SMCHD1: variants seen among roughly 807,000 people sequenced by gnomAD.
SMCHD1 encodes the protein structural maintenance of chromosomes flexible hinge domain-containing protein 1.
Under a neutral mutation model 254.7 loss-of-function variants are expected in SMCHD1, and 78 were observed. The ratio of observed to expected loss-of-function variants is 0.31; its 90% CI spans 0.26 to 0.37. The LOEUF is 0.37. SMCHD1 is among the 10% of genes least tolerant of loss of function. The probability of loss-of-function intolerance (pLI) is 1.00; values close to 1 mark genes in which losing one functional copy is unlikely to be tolerated. For synonymous variants in SMCHD1, 766 were observed against 794.9 expected, an observed-to-expected ratio of 0.96 and a Z score of 0.61; for missense variants, 1,840 against 2,408.1, an observed-to-expected ratio of 0.76 and a Z score of 4.94.
intron 47 of SMCHD1, among the ~76,000 whole-genome samples, chr18:2,800,305 G>A (rs1454826372): frequency 6.6e-6 from 1 of 152,050 alleles, no homozygotes; most frequent in African/African-American, 2.4e-5. Flanking sequence ...AACTTTGAAA[G>A]CTTTGTTTCC....
chr18:2,765,289 G>C (rs2075847567), intron 37 of SMCHD1, among the ~76,000 whole-genome samples: 2 of 151,876 alleles, frequency 1.3e-5, no homozygotes, highest in African/African-American at 4.8e-5. Context: ...TGATATATCT[G>C]GATTTTATTG....
At chr18:2,706,150 A>G (rs1015856344) in intron 14 of SMCHD1, among the ~76,000 whole-genome samples, 2 of 152,160 alleles carry the variant, frequency 1.3e-5, no homozygotes, top group African/African-American at 2.4e-5. Context: ...TCCCTATACC[A>G]TGCTTTCTTG....
At chr18:2,755,856 C>T (rs771808360) in intron 34 of SMCHD1, among the ~76,000 whole-genome samples, 7 of 152,020 alleles carry the variant, frequency 4.6e-5, no homozygotes, top group Non-Finnish European at 1.0e-4. Flanking sequence ...TGTGAATCAC[C>T]GCCCTCGGCC....
intron 25 of SMCHD1, among the ~76,000 whole-genome samples, chr18:2,735,769 T>C (rs1015855849): frequency 1.3e-5 from 2 of 152,098 alleles, no homozygotes; most frequent in African/African-American, 2.4e-5. Context: ...AAAGAAATCA[T>C]AGATGATACC....
chr18:2,677,290 A>C (rs1359284672), intron 5 of SMCHD1, among the ~76,000 whole-genome samples: 1 of 152,224 alleles, frequency 6.6e-6, no homozygotes, highest in Admixed American at 6.5e-5. Context: ...AGTTCAAAAC[A>C]AGTTATAAAT....
At chr18:2,682,994 A>G (rs546018429) in intron 5 of SMCHD1, among the ~76,000 whole-genome samples, 2 of 152,188 alleles carry the variant, frequency 1.3e-5, no homozygotes, top group Non-Finnish European at 2.9e-5. Context: ...TTTGGTTTGC[A>G]TGGGTCATTT....
intron 28 of SMCHD1, among the ~76,000 whole-genome samples, chr18:2,742,813 A>T (rs1055031551): frequency 6.6e-6 from 1 of 152,042 alleles, no homozygotes; most frequent in Non-Finnish European, 1.5e-5. Context: ...ACTAGCTAGG[A>T]CTATAGACGC....
chr18:2,709,232 G>GTGTGTATATATATATA (rs3037640), intron 17 of SMCHD1, among the ~76,000 whole-genome samples: 1 of 79,654 alleles, frequency 1.3e-5, no homozygotes, highest in Non-Finnish European at 3.1e-5. Flanking sequence ...GTGTATATGT[G>GTGTGTATATATATATA]TATATATATA....
In SMCHD1 at chr18:2,728,648, T is replaced by C. The variant is rs1370118341; in HGVS notation, c.2913+52T>C. The C allele has an allele frequency of 1.9e-6, 3 of 1,569,850 alleles. No individual in the cohort carries two copies. In the African/African-American group the frequency reaches 4.1e-5, roughly 21 times the overall value. ...TGAGTCCCATTGTAGTAAGTGGCAA[T>C]GACTATTTTAGCCACTTAATAGTAA... On this transcript the variant is annotated intron_variant, in intron 23 of 47. Transcript: ENST00000320876.
At chr18:2,760,511 G>A (rs2075766766) in intron 34 of SMCHD1, 141 bp from the exon 35 acceptor site, 6 of 573,884 alleles carry the variant, frequency 1.0e-5, no homozygotes, top group South Asian at 4.4e-5. Context: ...TTTGTTGAAC[G>A]AATGAAGGTC....
At chr18:2,730,466 G>T (rs2143471781) in intron 24 of SMCHD1, among the ~76,000 whole-genome samples, 1 of 152,268 alleles carries the variant, frequency 6.6e-6, no homozygotes, top group Middle Eastern at 3.4e-3. Flanking sequence ...CACCGTGCCT[G>T]GCCCACAAAG....
intron 16 of SMCHD1, 68 bp downstream of exon 16, chr18:2,707,713 A>G (rs950062861): frequency 6.8e-7 from 1 of 1,472,444 alleles, no homozygotes; most frequent in African/African-American, 1.4e-5. Flanking sequence ...CCAATATGTA[A>G]AAGGTCACGA....
chr18:2,718,084 A>G lies in SMCHD1; in HGVS notation c.2261-74A>G. The G allele has an allele frequency of 8.7e-7, 1 of 1,148,376 alleles. No homozygotes were observed. Among genetic ancestry groups the G allele is most frequent in the South Asian group, 1.4e-5 (1 of 72,104 alleles). The allele number at this position is 1,148,376 out of a possible 1,614,324, so 71.1% of individuals were successfully genotyped here. On this transcript the variant is annotated intron_variant, in intron 17 of 47. Transcript: ENST00000320876. This position sits in a 1 kb window ranked among gnomAD's most constrained non-coding sequence, Gnocchi z 4.6. ...ATACAGCAAATAGGTATTTGGTGCC[A>G]ATGTGACATTGCGTATTTCATGTTT...
intron 39 of SMCHD1, among the ~76,000 whole-genome samples, chr18:2,771,041 CT>C (rs2075975204): frequency 1.3e-5 from 2 of 152,084 alleles, no homozygotes; most frequent in Non-Finnish European, 2.9e-5. Context: ...GGTTTTTGGC[CT>C]TGTGTTATTT....
chr18:2,661,150 G>A (rs905331955), intron 1 of SMCHD1, among the ~76,000 whole-genome samples: 3 of 152,068 alleles, frequency 2.0e-5, no homozygotes, highest in East Asian at 1.9e-4. Flanking sequence ...AACATAGGGC[G>A]GGGAACATCA....
intron 44 of SMCHD1, among the ~76,000 whole-genome samples, chr18:2,781,900 G>A (rs530683466): frequency 6.6e-6 from 1 of 152,288 alleles, no homozygotes; most frequent in South Asian, 2.1e-4. Context: ...TGTAATCAGA[G>A]TATCAAGAGG....
intron 42 of SMCHD1, among the ~76,000 whole-genome samples, chr18:2,776,866 C>T (rs779834664): frequency 2.2e-4 from 34 of 152,132 alleles, no homozygotes; most frequent in Non-Finnish European, 1.0e-4. Context: ...GAAATCCTGA[C>T]GGGTCATAGT....
At position 2,750,505 on chromosome 18, in the gene SMCHD1, C is replaced by T; in HGVS notation, c.4163C>T (p.Thr1388Ile). 6.3e-7 allele frequency: 1 copy of T among 1,594,314 alleles called. No individual in the cohort carries two copies. The highest frequency in any genetic ancestry group is 8.6e-7 in the Non-Finnish European group (1 of 1,169,086). Reference protein sequence around the residue: ...DASFLAGGLFTDFMISVISED... With the variant: ...DASFLAGGLFIDFMISVISED... The stretch of plus-strand genomic sequence containing the variant: ...TCCTTCTTAGCAGGGGGTCTTTTCA[C>T]TGGTGAGTATTTCACATACATAAAT... The change falls in exon 32 of 48, where the codon ACT becomes ATT. Residue 1388 changes from threonine to isoleucine, a missense_variant and splice_region_variant. Transcript: ENST00000320876.
At position 2,724,976 on chromosome 18, in the gene SMCHD1, T is replaced by G. The variant is rs1472889420; in HGVS notation, c.2681T>G (p.Val894Gly). 6.3e-7 allele frequency: 1 copy of G among 1,582,440 alleles called. No individual in the cohort carries two copies. Among genetic ancestry groups the G allele is most frequent in the Non-Finnish European group, 8.6e-7 (1 of 1,160,154 alleles). The change falls in exon 21 of 48, where the codon GTA becomes GGA. Residue 894 changes from valine (V) to glycine (G), a missense_variant. By Grantham distance (109) the Val-to-Gly change is moderately radical (BLOSUM62 -3). Transcript: ENST00000320876. ...CGAGGTGTTACAGCCAAGGGCCCTG[T>G]AAACTCTTGTCAAGGCAAGGTAAGC... Reference protein sequence around the residue: ...VIRGVTAKGPVNSCQGKNYNL... With the variant: ...VIRGVTAKGPGNSCQGKNYNL...
Sources: allele counts gnomAD v4.1 joint callset (sites outside exome capture counted in the v4.1 genomes callset), GRCh38; gene constraint gnomAD v4.1.1; non-coding constraint Gnocchi (gnomAD v3.1); transcripts MANE v1.5; gene names NCBI Gene and HGNC (gene_info 2026-07-23, HGNC 2026-07-21).